LRP1B: variants seen among roughly 807,000 people sequenced by gnomAD.
LRP1B encodes LDL receptor related protein 1B, also known as low-density lipoprotein receptor-related protein 1B.
LRP1B carries 217 observed loss-of-function variants against 556.6 expected under a neutral mutation model. That is an observed-to-expected ratio of 0.39 (90% confidence interval 0.35 to 0.44). The LOEUF (loss-of-function observed/expected upper bound fraction) is 0.44, where lower values mean the gene tolerates loss of function less well. Ranked by LOEUF, LRP1B falls within the 20% of genes least tolerant of loss-of-function variation. The pLI, the probability that LRP1B is intolerant of heterozygous loss-of-function variation, is 1.00. For missense variants in LRP1B, 5,053 were observed against 5,620.8 expected, an observed-to-expected ratio of 0.90 and a Z score of 3.23; for synonymous variants, 2,047 against 1,865.8, an observed-to-expected ratio of 1.10 and a Z score of -2.50.
chr2:140,969,994 ATG>A (rs1696363076), intron 18 of LRP1B, among the ~76,000 whole-genome samples: 1 of 151,998 alleles, frequency 6.6e-6, no homozygotes, highest in South Asian at 2.1e-4. Flanking sequence ...TCTGATAATT[ATG>A]TGTCTTGGAG....
At chr2:140,835,266 T>C (rs1374212448) in intron 31 of LRP1B, among the ~76,000 whole-genome samples, 1 of 152,146 alleles carries the variant, frequency 6.6e-6, no homozygotes, top group Non-Finnish European at 1.5e-5. Context: ...CTTATCTGCA[T>C]TATCTGGAGA....
chr2:140,429,832 A>T (rs2105281088), intron 66 of LRP1B, among the ~76,000 whole-genome samples: 1 of 152,080 alleles, frequency 6.6e-6, no homozygotes, highest in African/African-American at 2.4e-5. Context: ...AAAATCACAA[A>T]CTATGCTCAA....
At chr2:141,310,544 T>C (rs1686774639) in intron 3 of LRP1B, among the ~76,000 whole-genome samples, 1 of 152,144 alleles carries the variant, frequency 6.6e-6, no homozygotes, top group Admixed American at 6.6e-5. Context: ...CTAGAGATCA[T>C]AACCTAATTA....
At chr2:142,088,931 C>T (rs914841516) in intron 1 of LRP1B, among the ~76,000 whole-genome samples, 6 of 141,838 alleles carry the variant, frequency 4.2e-5, no homozygotes, top group Admixed American at 7.5e-5. Context: ...GCCGAGATCG[C>T]GCCACTGCAC....
chr2:140,868,281 A>G lies in LRP1B; in HGVS notation c.4170-18T>C, dbSNP rs544518463. 33 of 1,551,364 alleles carry G rather than the reference A, an allele frequency of 2.1e-5. No homozygotes were observed. In the East Asian group the frequency reaches 3.3e-4, roughly 15 times the overall value. Reference sequence around the variant, plus strand: ...AAAGAATTCTAAAAAAAAAAAAAAAAAAAGAAATAATACTATTGTTTCAGT... The same window carrying G: ...AAAGAATTCTAAAAAAAAAAAAAAAGAAAGAAATAATACTATTGTTTCAGT... On this transcript the variant is annotated intron_variant, in intron 25 of 90. Coordinates refer to ENST00000389484, the MANE Select transcript of LRP1B (RefSeq NM_018557.3).
chr2:140,409,335 T>C (rs1207418858), intron 66 of LRP1B, among the ~76,000 whole-genome samples: 1 of 151,918 alleles, frequency 6.6e-6, no homozygotes. Flanking sequence ...AATTTATCTT[T>C]GAAAAAATAT....
chr2:141,464,376 G>T (rs1682077370), intron 3 of LRP1B, among the ~76,000 whole-genome samples: 1 of 150,734 alleles, frequency 6.6e-6, no homozygotes, highest in South Asian at 2.1e-4. Flanking sequence ...AATGTGTATT[G>T]GATATACTAT....
intron 7 of LRP1B, among the ~76,000 whole-genome samples, chr2:141,183,425 A>G (rs1351359371): frequency 6.6e-6 from 1 of 151,278 alleles, no homozygotes; most frequent in Non-Finnish European, 1.5e-5. Flanking sequence ...CTCAGTCATT[A>G]TTAGCTTCAA....
In LRP1B at chr2:141,994,174, G is replaced by A. The variant is rs139074721; in HGVS notation, c.82+136474C>T. On this transcript the variant is annotated intron_variant, in intron 1 of 90. Transcript: ENST00000389484. ...CAGAGATCACTTTTGTCTGTTCTCC[G>A]TTTTCTTCTATTTTCCAGAGAGTTG... is the stretch of plus-strand genomic sequence containing the variant. Among the ~76,000 whole-genome samples the A allele has an allele frequency of 3.9e-3, 598 of 152,178 alleles. 4 individuals are homozygous for A. The highest frequency in any genetic ancestry group is 0.014 in the African/African-American group (572 of 41,522).
chr2:140,392,331 A>T (rs1184782140), intron 66 of LRP1B, among the ~76,000 whole-genome samples: 1 of 152,108 alleles, frequency 6.6e-6, no homozygotes, highest in East Asian at 1.9e-4. Context: ...CTAAACGCTG[A>T]GTTTATCTTC....
intron 41 of LRP1B, among the ~76,000 whole-genome samples, chr2:140,619,859 A>C (rs1348484656): frequency 2.0e-5 from 3 of 152,220 alleles, no homozygotes; most frequent in Non-Finnish European, 2.9e-5. Context: ...AGTAAAAATG[A>C]GAAAGATACT....
intron 43 of LRP1B, among the ~76,000 whole-genome samples, chr2:140,549,215 G>A (rs905395583): frequency 2.0e-5 from 3 of 152,066 alleles, no homozygotes; most frequent in Non-Finnish European, 1.5e-5. Context: ...CTGAGATTCC[G>A]CATTTCTCAG....
intron 86 of LRP1B, 143 bp from the exon 87 acceptor site, chr2:140,247,305 A>G: frequency 1.6e-6 from 1 of 621,152 alleles, no homozygotes; most frequent in South Asian, 1.8e-5. Context: ...ATTTCTGATG[A>G]TCTCTTGCAT....
chr2:141,314,964 C>T (rs1686966296), intron 3 of LRP1B, among the ~76,000 whole-genome samples: 1 of 147,564 alleles, frequency 6.8e-6, no homozygotes, highest in Non-Finnish European at 1.5e-5. Context: ...TTAAGCCTCT[C>T]CCCGCAAGAG....
In LRP1B at chr2:141,908,124, G is replaced by T. The variant is rs1267380826; in HGVS notation, c.83-97723C>A. On this transcript the variant is annotated intron_variant, in intron 1 of 90. Coordinates refer to ENST00000389484, the MANE Select transcript of LRP1B (RefSeq NM_018557.3). Reference sequence around the variant, plus strand: ...CACGTAAAGGGGAAAATAAAGATAGGCATAACTATTGCTATCATTTATGGA... The same window carrying T: ...CACGTAAAGGGGAAAATAAAGATAGTCATAACTATTGCTATCATTTATGGA... 2.0e-5 allele frequency among the ~76,000 whole-genome samples: 3 copies of T among 152,098 alleles called. No individual in the cohort carries two copies. The South Asian group carries it at 6.2e-4, about 32-fold the overall frequency.
intron 2 of LRP1B, among the ~76,000 whole-genome samples, chr2:141,608,358 C>A (rs1687990505): frequency 1.3e-5 from 2 of 152,162 alleles, no homozygotes; most frequent in South Asian, 4.1e-4. Flanking sequence ...GCACAAAAGA[C>A]ACGATTGGTG....
chr2:141,531,305 CTT>C (rs79622256), intron 2 of LRP1B, among the ~76,000 whole-genome samples: 35,222 of 151,858 alleles, frequency 0.23, 5,053 homozygotes, highest in East Asian at 0.48. Context: ...AGTTCTGACT[CTT>C]TAATTTAACC....
At chr2:142,000,475 T>G (rs1444271264) in intron 1 of LRP1B, among the ~76,000 whole-genome samples, 1 of 152,174 alleles carries the variant, frequency 6.6e-6, no homozygotes, top group African/African-American at 2.4e-5. Flanking sequence ...GAGTACATTT[T>G]GCAAATTTCA....
At chr2:140,817,921 T>C (rs1691184277) in intron 31 of LRP1B, among the ~76,000 whole-genome samples, 1 of 152,218 alleles carries the variant, frequency 6.6e-6, no homozygotes, top group Non-Finnish European at 1.5e-5. Flanking sequence ...TCTGGAAAGT[T>C]ATTTTAAAAT....
Sources: gnomAD v4.1 joint callset for allele counts (sites outside exome capture counted in the v4.1 genomes callset) on GRCh38, gnomAD v4.1.1 for gene constraint, MANE v1.5 for transcripts, NCBI Gene and HGNC (gene_info 2026-07-23, HGNC 2026-07-21) for gene names.